SYBU: variants seen among roughly 807,000 people sequenced by gnomAD.
SYBU encodes GOLSYN A protein.
A neutral mutation model predicts 35.9 loss-of-function variants in SYBU; 21 were observed. That is an observed-to-expected ratio of 0.58 (90% CI 0.41 to 0.84). The LOEUF (loss-of-function observed/expected upper bound fraction) is 0.84. Ranked by LOEUF, SYBU falls within the 40% of genes least tolerant of loss-of-function variation. SYBU has a pLI of 0.00. For missense variants in SYBU, 768 were observed against 848.2 expected (o/e 0.91, Z 1.17); for synonymous variants, 319 against 324.3 (o/e 0.98, Z 0.18).
At chr8:109,619,171 C>A in intron 2 of SYBU, 132 bp from the exon 3 acceptor site, 2 of 652,370 alleles carry the variant, frequency 3.1e-6, no homozygotes, top group Admixed American at 2.6e-5. Context: ...CCCAGGTTAA[C>A]TGCTGTGGAC....
intron 3 of SYBU, among the ~76,000 whole-genome samples, chr8:109,588,746 A>G (rs971306277): frequency 6.6e-6 from 1 of 152,148 alleles, no homozygotes; most frequent in African/African-American, 2.4e-5. Context: ...TTGGCAACAA[A>G]GATACAAGGA....
intron 1 of SYBU, among the ~76,000 whole-genome samples, chr8:109,652,031 C>A (rs1816163611): frequency 6.6e-6 from 1 of 152,146 alleles, no homozygotes. Context: ...TTACTTCATT[C>A]CTATTCTGAG....
chr8:109,682,120 T>G (rs1431832062), upstream of SYBU, among the ~76,000 whole-genome samples: 1 of 152,196 alleles, frequency 6.6e-6, no homozygotes, highest in East Asian at 1.9e-4. Context: ...GAGAATAGAC[T>G]AATACAGTAA....
intron 3 of SYBU, among the ~76,000 whole-genome samples, chr8:109,604,063 A>G (rs923096527): frequency 2.0e-5 from 3 of 152,188 alleles, no homozygotes; most frequent in Non-Finnish European, 4.4e-5. Flanking sequence ...TATCAGAGAG[A>G]AATAAAGAAA....
intron 3 of SYBU, among the ~76,000 whole-genome samples, chr8:109,614,935 G>A (rs757947929): frequency 4.6e-5 from 7 of 152,178 alleles, no homozygotes; most frequent in South Asian, 2.1e-4. Context: ...GTGTGCTGCC[G>A]GGCCCTGTTG....
intron 4 of SYBU, among the ~76,000 whole-genome samples, chr8:109,585,537 G>A (rs775422205): frequency 6.6e-6 from 1 of 152,164 alleles, no homozygotes. Flanking sequence ...CAGCTGGTGT[G>A]CTCTATGGGG....
At chr8:109,646,020 C>T (rs942525353), upstream of SYBU, 1 of 152,126 alleles carries the variant, frequency 6.6e-6, no homozygotes, top group Non-Finnish European at 1.5e-5. Flanking sequence ...ACATGACAGG[C>T]AGAAAAAGCA....
intron 2 of SYBU, among the ~76,000 whole-genome samples, chr8:109,622,918 TA>T (rs1377425733): frequency 1.3e-5 from 2 of 152,164 alleles, no homozygotes; most frequent in African/African-American, 4.8e-5. Context: ...ATGAACATTT[TA>T]GTCTGGTTTT....
At chr8:109,577,066 G>T (rs1189753308) in intron 6 of SYBU, among the ~76,000 whole-genome samples, 2 of 152,150 alleles carry the variant, frequency 1.3e-5, no homozygotes, top group Non-Finnish European at 2.9e-5. Context: ...TTCGGAAGAT[G>T]AAAAATTTCC....
chr8:109,670,552 C>T (rs3108832), intron 1 of SYBU, among the ~76,000 whole-genome samples: 46,422 of 151,750 alleles, frequency 0.31, 8,223 homozygotes, highest in East Asian at 0.52. Flanking sequence ...TTTACTGTGA[C>T]GTTTTTCCTA....
chr8:109,651,880 A>G (rs149429538), intron 1 of SYBU, among the ~76,000 whole-genome samples: 2 of 152,196 alleles, frequency 1.3e-5, no homozygotes. Context: ...GACTTATGGC[A>G]TATAAAGGAG....
chr8:109,668,871 G>A (rs1487470705), intron 1 of SYBU, among the ~76,000 whole-genome samples: 1 of 152,096 alleles, frequency 6.6e-6, no homozygotes, highest in Non-Finnish European at 1.5e-5. Context: ...AATATTTTAT[G>A]AAAATTAGTG....
intron 1 of SYBU, among the ~76,000 whole-genome samples, chr8:109,672,696 T>G (rs1448315673): frequency 6.6e-6 from 1 of 151,974 alleles, no homozygotes; most frequent in Non-Finnish European, 1.5e-5. Context: ...TTCCCTCCCC[T>G]GGAAAGGGGG....
intron 3 of SYBU, among the ~76,000 whole-genome samples, chr8:109,590,637 T>C (rs1206617470): frequency 6.6e-6 from 1 of 151,644 alleles, no homozygotes; most frequent in Non-Finnish European, 1.5e-5. Context: ...TATTGATAAA[T>C]CCAACTATAT....
At chr8:109,667,690 C>T (rs1341575635) in intron 1 of SYBU, among the ~76,000 whole-genome samples, 6 of 152,242 alleles carry the variant, frequency 3.9e-5, no homozygotes, top group Middle Eastern at 3.4e-3. Flanking sequence ...TGCAGTGGCA[C>T]GATCACAGTT....
intron 3 of SYBU, among the ~76,000 whole-genome samples, chr8:109,602,830 G>A (rs1021903766): frequency 2.0e-5 from 3 of 152,148 alleles, no homozygotes; most frequent in Admixed American, 1.3e-4. Context: ...GAGAACAAAA[G>A]CAAATGGAGA....
intron 1 of SYBU, among the ~76,000 whole-genome samples, chr8:109,672,651 C>T (rs1817027810): frequency 1.3e-5 from 2 of 152,166 alleles, no homozygotes; most frequent in South Asian, 4.1e-4. Context: ...TTTTTCAAAC[C>T]CAGTGGCTCC....
intron 1 of SYBU, among the ~76,000 whole-genome samples, chr8:109,669,339 CAAAAAAAAAAAAAAAA>C (rs533510895): frequency 8.1e-5 from 4 of 49,682 alleles, no homozygotes; most frequent in Non-Finnish European, 1.7e-4. Flanking sequence ...GAGACTCCGT[CAAAAAAAAAAAAAAAA>C]AAAAAAAAAA....
chr8:109,657,929 T>A (rs977274793), intron 1 of SYBU, among the ~76,000 whole-genome samples: 1 of 152,222 alleles, frequency 6.6e-6, no homozygotes, highest in East Asian at 1.9e-4. Context: ...GTGGTGCACA[T>A]GATTTGAATA....
Sources: gnomAD v4.1 joint callset for allele counts (sites outside exome capture counted in the v4.1 genomes callset) on GRCh38, gnomAD v4.1.1 for gene constraint, MANE v1.5 for transcripts, NCBI Gene and HGNC (gene_info 2026-07-23, HGNC 2026-07-21) for gene names.